Variants in FRRS1L observed in about 807,000 individuals in gnomAD.
FRRS1L encodes the protein ferric chelate reductase 1 like.
Under a neutral mutation model 28.6 loss-of-function variants are expected in FRRS1L, and 22 were observed. That is an observed-to-expected ratio of 0.77 (90% CI 0.55 to 1.10). The LOEUF is 1.10. FRRS1L is among the 50% of genes least tolerant of loss of function. The pLI is 0.00. For synonymous variants in FRRS1L, 158 were observed against 151.4 expected, an observed-to-expected ratio of 1.04 and a Z score of -0.32; for missense variants, 380 against 386.9, an observed-to-expected ratio of 0.98 and a Z score of 0.15.
intron 3 of FRRS1L, among the ~76,000 whole-genome samples, 198 bp from the exon 4 acceptor site, chr9:109,141,787 T>C: frequency 6.6e-6 from 1 of 152,046 alleles, no homozygotes. Flanking sequence ...CTGACTGATG[T>C]TTGGAGAAGA....
At chr9:109,145,078 G>A (rs1192296429) in intron 3 of FRRS1L, among the ~76,000 whole-genome samples, 4 of 152,188 alleles carry the variant, frequency 2.6e-5, no homozygotes, top group Admixed American at 1.3e-4. Flanking sequence ...AGAGAAGGGC[G>A]GGGTGCTCTA....
chr9:109,149,773 T>A, intron 1 of FRRS1L, 53 bp from the exon 2 acceptor site: 4 of 1,214,458 alleles, frequency 3.3e-6, no homozygotes. Flanking sequence ...ACTGTTCCAA[T>A]GAGAATTTTT....
chr9:109,144,707 G>A (rs1338461856), intron 3 of FRRS1L, among the ~76,000 whole-genome samples: 1 of 150,244 alleles, frequency 6.7e-6, no homozygotes, highest in Non-Finnish European at 1.5e-5. Context: ...TTTTGAGACG[G>A]AGTTTCATTC....
Position 109,149,742 on chromosome 9 carries a change from G to A in FRRS1L, c.239-22C>T, listed in dbSNP as rs766239742. 6 of 1,530,836 alleles carry A rather than the reference G, an allele frequency of 3.9e-6. No homozygotes were observed. The Admixed American group carries it at 8.6e-5, about 22-fold the overall frequency. 94.8% of individuals were successfully genotyped at this position (1,530,836 alleles called of 1,614,324 possible). A position where few individuals can be genotyped will look rare whatever the true frequency, so the allele number is the denominator to read the frequency against. On this transcript the variant is annotated intron_variant, in intron 1 of 4. Coordinates refer to ENST00000561981, the MANE Select transcript of FRRS1L (RefSeq NM_014334.4). Reference sequence around the variant, plus strand: ...TAACCTGGGCAGTGAGAATAAAGAAGGGTTAGAAAATCCAGTAACAACTGT... The same window carrying A: ...TAACCTGGGCAGTGAGAATAAAGAAAGGTTAGAAAATCCAGTAACAACTGT...
chr9:109,134,491 T>C lies in FRRS1L; in HGVS notation c.*2964A>G, dbSNP rs1037083427. 1 of 151,610 alleles carries C rather than the reference T, an allele frequency of 6.6e-6. No homozygotes were observed. Among genetic ancestry groups the C allele is most frequent in the Non-Finnish European group, 1.5e-5 (1 of 67,902 alleles). The allele number at this position is 151,610 out of a possible 1,614,324, so 9.4% of individuals were successfully genotyped here. On this transcript the variant is annotated 3_prime_UTR_variant, in exon 5 of 5. Coordinates refer to ENST00000561981, the MANE Select transcript of FRRS1L (RefSeq NM_014334.4). ...TGGAGAATATGAACAAAATGAGAGG[T>C]GAGATAGAGCAGGTCTGAAGAACTG... is the stretch of plus-strand genomic sequence containing the variant.
Position 109,167,171 on chromosome 9 carries a change from G to A in FRRS1L, c.-33C>T. ...CACAGATCCCGCAGCCAGGCCGCTC[G>A]GGCCGCAGCGGGGGCGCCGCGGGCG... On this transcript the variant is annotated 5_prime_UTR_variant, in exon 1 of 5. Coordinates refer to ENST00000561981, the MANE Select transcript of FRRS1L (RefSeq NM_014334.4). The A allele has an allele frequency of 8.7e-7, 1 of 1,148,284 alleles. No individual in the cohort carries two copies. Among genetic ancestry groups the A allele is most frequent in the Non-Finnish European group, 1.1e-6 (1 of 937,750 alleles). The allele number at this position is 1,148,284 out of a possible 1,614,324, so 71.1% of individuals were successfully genotyped here.
At chr9:109,149,319 G>A (rs1831300445) in intron 2 of FRRS1L, among the ~76,000 whole-genome samples, 1 of 152,194 alleles carries the variant, frequency 6.6e-6, no homozygotes, top group Admixed American at 6.6e-5. Context: ...CACAGCCCCT[G>A]CTGAATAAGC....
chr9:109,130,890 A>G lies in FRRS1L; in HGVS notation c.*6565T>C, dbSNP rs1831049732. The G allele has an allele frequency of 1.3e-5, 2 of 152,232 alleles. No individual in the cohort carries two copies. The highest frequency in any genetic ancestry group is 4.8e-5 in the African/African-American group (2 of 41,458). 9.4% of individuals were successfully genotyped at this position (152,232 alleles called of 1,614,324 possible). On this transcript the variant is annotated 3_prime_UTR_variant, in exon 5 of 5. Transcript: ENST00000561981. ...TACCTTAGAGAATCAATTACTCTCC[A>G]GAAGAATCCAACCAAATGGCTATCA...
At chr9:109,141,700 A>C (rs920974120) in intron 3 of FRRS1L, 111 bp from the exon 4 acceptor site, 1 of 1,256,806 alleles carries the variant, frequency 8.0e-7, no homozygotes, top group African/African-American at 1.5e-5. Flanking sequence ...CCACCAAAAA[A>C]ATTCTTTTAA....
Position 109,132,930 on chromosome 9 carries a change from C to T in FRRS1L, c.*4525G>A, listed in dbSNP as rs1343300108. On this transcript the variant is annotated 3_prime_UTR_variant, in exon 5 of 5. Transcript: ENST00000561981. ...CCTTAACAGAGAAAGTTTGCTGACC[C>T]CTGGAGTAGAGATAAGAATGACACA... 2 of 152,112 alleles carry T rather than the reference C, an allele frequency of 1.3e-5. No individual in the cohort carries two copies. Among genetic ancestry groups the T allele is most frequent in the Admixed American group, 6.5e-5 (1 of 15,268 alleles). The allele number at this position is 152,112 out of a possible 1,614,324, so 9.4% of individuals were successfully genotyped here.
At position 109,135,820 on chromosome 9, in the gene FRRS1L, A is replaced by AT. The variant is rs1831104700; in HGVS notation, c.*1634dup. ...ATGGGTCATTTTCCCATTTTCAATT[A>AT]TTTTTTAAAAAGCCACCTCATAAAA... On this transcript the variant is annotated 3_prime_UTR_variant, in exon 5 of 5. Coordinates refer to ENST00000561981, the MANE Select transcript of FRRS1L (RefSeq NM_014334.4). 3 of 152,250 alleles carry AT rather than the reference A, an allele frequency of 2.0e-5. No individual in the cohort carries two copies. Among genetic ancestry groups the AT allele is most frequent in the South Asian group, 2.1e-4 (1 of 4,820 alleles). 9.4% of individuals were successfully genotyped at this position (152,250 alleles called of 1,614,324 possible).
At chr9:109,163,618 G>C (rs1831505687) in intron 1 of FRRS1L, among the ~76,000 whole-genome samples, 1 of 152,166 alleles carries the variant, frequency 6.6e-6, no homozygotes, top group South Asian at 2.1e-4. Context: ...GGGTAGGGTA[G>C]GTAATGGTCA....
chr9:109,140,107 C>G (rs1831160384), intron 4 of FRRS1L: 1 of 152,158 alleles, frequency 6.6e-6, no homozygotes, highest in South Asian at 2.1e-4. Context: ...AGAGACTTGC[C>G]ACCCAAAATG....
At chr9:109,166,411 G>A (rs1386256776) in intron 1 of FRRS1L, among the ~76,000 whole-genome samples, 5 of 152,160 alleles carry the variant, frequency 3.3e-5, no homozygotes, top group Non-Finnish European at 7.4e-5. Flanking sequence ...AGAATGCTAC[G>A]AGGTGGGCGC....
In FRRS1L at chr9:109,133,418, A is replaced by G. The variant is rs1326663393; in HGVS notation, c.*4037T>C. 1 of 152,206 alleles carries G rather than the reference A, an allele frequency of 6.6e-6. No individual in the cohort carries two copies. The highest frequency in any genetic ancestry group is 6.5e-5 in the Admixed American group (1 of 15,278). 9.4% of individuals were successfully genotyped at this position (152,206 alleles called of 1,614,324 possible). ...TAAAAAGTCCTCCAATTAATTGTAA[A>G]TTACTAAATGGGGGAAAAAAGGCAC... On this transcript the variant is annotated 3_prime_UTR_variant, in exon 5 of 5. Transcript: ENST00000561981.
chr9:109,167,206 A>T lies in FRRS1L; in HGVS notation c.-68T>A. On this transcript the variant is annotated 5_prime_UTR_variant, in exon 1 of 5. Transcript: ENST00000561981. ...GGGGGCGCCGCGGGCGCGGGCCGGG[A>T]CTGAGCCTCCGCCGAGGCCACCAGC... 2 of 1,291,518 alleles carry T rather than the reference A, an allele frequency of 1.5e-6. No individual in the cohort carries two copies. The highest frequency in any genetic ancestry group is 3.9e-5 in the South Asian group (2 of 51,366). The allele number at this position is 1,291,518 out of a possible 1,614,324, so 80.0% of individuals were successfully genotyped here.
rs1831052418 is a variant in FRRS1L, at chr9:109,131,141, A to G, written c.*6314T>C. ...CTACCTTGAAACTAAATAACTGGAT[A>G]CTTGAATAACTGAATAAGGAACCTA... On this transcript the variant is annotated 3_prime_UTR_variant, in exon 5 of 5. Transcript: ENST00000561981. The G allele has an allele frequency of 6.6e-6, 1 of 152,256 alleles. No individual in the cohort carries two copies. The highest frequency in any genetic ancestry group is 2.4e-5 in the African/African-American group (1 of 41,470). 9.4% of individuals were successfully genotyped at this position (152,256 alleles called of 1,614,324 possible). A position where few individuals can be genotyped will look rare whatever the true frequency, so the allele number is the denominator to read the frequency against.
intron 2 of FRRS1L, among the ~76,000 whole-genome samples, chr9:109,149,136 G>A (rs536937248): frequency 2.6e-5 from 4 of 152,262 alleles, no homozygotes; most frequent in East Asian, 3.9e-4. Context: ...AGCCCAGCCC[G>A]TCATGTCGTG....
intron 2 of FRRS1L, among the ~76,000 whole-genome samples, chr9:109,148,973 C>A (rs965636324): frequency 2.0e-5 from 3 of 152,166 alleles, no homozygotes; most frequent in East Asian, 3.8e-4. Flanking sequence ...AAAATCAGAA[C>A]CTTCAGTACA....
Sources: gnomAD v4.1 joint callset for allele counts (sites outside exome capture counted in the v4.1 genomes callset) on GRCh38, gnomAD v4.1.1 for gene constraint, MANE v1.5 for transcripts, NCBI Gene and HGNC (gene_info 2026-07-23, HGNC 2026-07-21) for gene names.